Variants in HSF2BP observed in about 807,000 individuals in gnomAD.
The protein encoded by HSF2BP is heat shock factor 2-binding protein.
Under a neutral mutation model 35.0 loss-of-function variants are expected in HSF2BP, and 35 were observed. The observed-to-expected ratio is 1.00, with a 90% CI of 0.76 to 1.32. The LOEUF (loss-of-function observed/expected upper bound fraction) is 1.32, where lower values mean the gene tolerates loss of function less well. Among genes scored for constraint, HSF2BP ranks in the 40% most tolerant of loss-of-function variants. The pLI is 0.00. For missense variants in HSF2BP, 326 were observed against 321.7 expected, an observed-to-expected ratio of 1.01 and a Z score of -0.10; for synonymous variants, 114 against 117.4, an observed-to-expected ratio of 0.97 and a Z score of 0.18.
At chr21:43,578,185 C>A (rs1428872166) in intron 8 of HSF2BP, among the ~76,000 whole-genome samples, 1 of 152,164 alleles carries the variant, frequency 6.6e-6, no homozygotes, top group Non-Finnish European at 1.5e-5. Flanking sequence ...GCCCTAAACC[C>A]ATCACCGGCA....
At chr21:43,603,174 G>A (rs751985017) in intron 7 of HSF2BP, among the ~76,000 whole-genome samples, 4 of 152,152 alleles carry the variant, frequency 2.6e-5, no homozygotes, top group African/African-American at 7.2e-5. Flanking sequence ...GGATGGAAAC[G>A]CCAGGGTCAT....
At chr21:43,635,036 G>A (rs887764243) in intron 4 of HSF2BP, among the ~76,000 whole-genome samples, 2 of 151,642 alleles carry the variant, frequency 1.3e-5, no homozygotes, top group African/African-American at 4.9e-5. Flanking sequence ...GTTGCAGGAG[G>A]ATATTCCCCA....
chr21:43,658,901 C>G (rs180829184), intron 1 of HSF2BP, among the ~76,000 whole-genome samples: 5 of 152,244 alleles, frequency 3.3e-5, no homozygotes, highest in Non-Finnish European at 7.3e-5. Context: ...CTTCCAGTCT[C>G]AACTCCACCC....
chr21:43,646,470 G>A (rs1257649798), intron 3 of HSF2BP, among the ~76,000 whole-genome samples: 1 of 152,158 alleles, frequency 6.6e-6, no homozygotes, highest in East Asian at 1.9e-4. Context: ...GATGAAATTT[G>A]TGATTTAAAA....
rs1331433364 is a variant in HSF2BP, at chr21:43,636,062, T to A, written c.292-2641A>T. 7.5e-4 allele frequency among the ~76,000 whole-genome samples: 107 copies of A among 142,016 alleles called. 1 individual carries two copies. The highest frequency in any genetic ancestry group is 3.7e-3 in the East Asian group (18 of 4,858). 93.2% of individuals were successfully genotyped at this position (142,016 alleles called of 152,430 possible). A position where few individuals can be genotyped will look rare whatever the true frequency, so the allele number is the denominator to read the frequency against. ...CCATCTCTACAAAAAAAAAAAAAAA[T>A]TTTTTTTAAATAGCCAGGCATGGTG... On this transcript the variant is annotated intron_variant, in intron 4 of 8. Coordinates refer to ENST00000291560, the MANE Select transcript of HSF2BP (RefSeq NM_007031.2).
chr21:43,652,950 C>A (rs920695118), intron 3 of HSF2BP, among the ~76,000 whole-genome samples: 1 of 152,030 alleles, frequency 6.6e-6, no homozygotes, highest in African/African-American at 2.4e-5. Flanking sequence ...GTCTGGCCAA[C>A]GTGGTGAAAC....
At chr21:43,620,809 T>C (rs1371319135) in intron 6 of HSF2BP, among the ~76,000 whole-genome samples, 2 of 152,000 alleles carry the variant, frequency 1.3e-5, no homozygotes, top group African/African-American at 4.8e-5. Flanking sequence ...AAAAATTAAT[T>C]TGAGGCTCTC....
At chr21:43,595,726 ATTTTTTT>A (rs770855952) in intron 7 of HSF2BP, among the ~76,000 whole-genome samples, 689 of 58,344 alleles carry the variant, frequency 0.012, 2 homozygotes, top group African/African-American at 0.039. Context: ...TAAGAGGCTA[ATTTTTTT>A]TTTTTTTTTT....
At chr21:43,616,673 C>T (rs898385425) in intron 6 of HSF2BP, among the ~76,000 whole-genome samples, 2 of 152,100 alleles carry the variant, frequency 1.3e-5, no homozygotes, top group South Asian at 4.1e-4. Flanking sequence ...GTGGCTCACG[C>T]CTGTAATCCC....
chr21:43,631,209 C>A (rs1315544103), intron 5 of HSF2BP, among the ~76,000 whole-genome samples: 2 of 152,212 alleles, frequency 1.3e-5, no homozygotes, highest in African/African-American at 4.8e-5. Context: ...CACCTAAAGT[C>A]AAACACAACT....
intron 8 of HSF2BP, among the ~76,000 whole-genome samples, chr21:43,577,508 T>C (rs979229815): frequency 1.3e-5 from 2 of 152,214 alleles, no homozygotes; most frequent in East Asian, 3.8e-4. Context: ...GCCTGGGTTA[T>C]TTTCTCTGCC....
intron 3 of HSF2BP, 103 bp downstream of exon 3, chr21:43,656,483 GA>G: frequency 9.4e-7 from 1 of 1,064,156 alleles, no homozygotes. Flanking sequence ...TCATCACAAG[GA>G]CTGTAAGAGT....
At position 43,651,837 on chromosome 21, in the gene HSF2BP, C is replaced by T. The variant is rs143611088; in HGVS notation, c.187+4750G>A. ...CCTCTCCCCAGTACCCATCAACTCC[C>T]TAAGACTCTCAGGCAACACCTTCGT... On this transcript the variant is annotated intron_variant, in intron 3 of 8. Coordinates refer to ENST00000291560, the MANE Select transcript of HSF2BP (RefSeq NM_007031.2). 3.5e-4 allele frequency among the ~76,000 whole-genome samples: 54 copies of T among 152,328 alleles called. No homozygotes were observed. The East Asian group carries it at 0.01, about 29-fold the overall frequency.
intron 1 of HSF2BP, among the ~76,000 whole-genome samples, chr21:43,658,769 G>T (rs2082918436): frequency 6.6e-6 from 1 of 152,244 alleles, no homozygotes; most frequent in Non-Finnish European, 1.5e-5. Context: ...ACGCCTGCGC[G>T]GGCGCCCTTG....
At chr21:43,599,592 G>C (rs1471148888) in intron 7 of HSF2BP, among the ~76,000 whole-genome samples, 1 of 152,030 alleles carries the variant, frequency 6.6e-6, no homozygotes, top group Non-Finnish European at 1.5e-5. Flanking sequence ...TCAGGAGTTC[G>C]AGACCAGCCT....
intron 6 of HSF2BP, among the ~76,000 whole-genome samples, chr21:43,629,808 C>T (rs888671649): frequency 1.3e-5 from 2 of 152,216 alleles, no homozygotes; most frequent in Admixed American, 6.5e-5. Flanking sequence ...CAGAATATTA[C>T]ATAAACTTAG....
intron 3 of HSF2BP, among the ~76,000 whole-genome samples, chr21:43,646,409 ATGAAATAC>A (rs886409817): frequency 9.2e-5 from 14 of 152,242 alleles, no homozygotes; most frequent in African/African-American, 3.4e-4. Flanking sequence ...CTACAATCAT[ATGAAATAC>A]CACCTATGGT....
intron 7 of HSF2BP, among the ~76,000 whole-genome samples, chr21:43,606,847 C>T (rs2838331): frequency 0.67 from 101,600 of 151,966 alleles, 34,434 homozygotes; most frequent in East Asian, 0.79. Context: ...GAAAAAAATT[C>T]GCATGAGATT....
At chr21:43,574,436 C>T (rs1440847762) in intron 8 of HSF2BP, among the ~76,000 whole-genome samples, 1 of 152,068 alleles carries the variant, frequency 6.6e-6, no homozygotes, top group Non-Finnish European at 1.5e-5. Flanking sequence ...CGGATCACCG[C>T]AAGCTCCACC....
Sources: gnomAD v4.1 joint callset for allele counts (sites outside exome capture counted in the v4.1 genomes callset) on GRCh38, gnomAD v4.1.1 for gene constraint, MANE v1.5 for transcripts, NCBI Gene and HGNC (gene_info 2026-07-23, HGNC 2026-07-21) for gene names.